The following TANC2 variants were observed in gnomAD, a reference collection of about 807,000 sequenced individuals.
TANC2 encodes the protein tetratricopeptide repeat, ankyrin repeat and coiled-coil containing 2.
TANC2 carries 26 observed loss-of-function variants against 210.5 expected under a neutral mutation model. The ratio of observed to expected loss-of-function variants is 0.12; its 90% CI spans 0.09 to 0.17. The LOEUF is 0.17. Among genes scored for constraint, TANC2 ranks in the 10% least tolerant of loss-of-function variants. The pLI, the probability that TANC2 is intolerant of heterozygous loss-of-function variation, is 1.00. For missense variants in TANC2, 2,129 were observed against 2,608.9 expected, an observed-to-expected ratio of 0.82 and a Z score of 4.01; for synonymous variants, 931 against 967.1, an observed-to-expected ratio of 0.96 and a Z score of 0.69.
At chr17:63,115,102 G>T (rs2038202691) in intron 4 of TANC2, among the ~76,000 whole-genome samples, 1 of 152,116 alleles carries the variant, frequency 6.6e-6, no homozygotes, top group Admixed American at 6.5e-5. Flanking sequence ...TTTTACCTAA[G>T]ATATTGAATA....
intron 12 of TANC2, among the ~76,000 whole-genome samples, chr17:63,345,129 A>C (rs2046358392): frequency 6.6e-6 from 1 of 152,242 alleles, no homozygotes; most frequent in African/African-American, 2.4e-5. Flanking sequence ...GCAACAAATA[A>C]GTAGAATAAA....
chr17:63,063,566 GTGTGTGTGT>G lies in TANC2; in HGVS notation c.68-10376_68-10368del, dbSNP rs1164441975. ...TGTGTGTGTGTGTGTGTGTGTGTGT[GTGTGTGTGT>G]AGATATATCTCTTACAGTATCACAC... On this transcript the variant is annotated intron_variant, in intron 2 of 27. Transcript: ENST00000689528. Among the ~76,000 whole-genome samples the G allele has an allele frequency of 5.2e-3, 607 of 117,294 alleles. 15 individuals carry two copies. Among genetic ancestry groups the G allele is most frequent in the African/African-American group, 0.022 (517 of 23,650 alleles). The allele number at this position is 117,294 out of a possible 152,430, so 76.9% of individuals were successfully genotyped here. A position where few individuals can be genotyped will look rare whatever the true frequency, so the allele number is the denominator to read the frequency against.
intron 7 of TANC2, among the ~76,000 whole-genome samples, chr17:63,206,680 A>G (rs1010608479): frequency 6.6e-6 from 1 of 152,146 alleles, no homozygotes; most frequent in African/African-American, 2.4e-5. Context: ...AGTAGAATAG[A>G]GAGTACTGAG....
At chr17:63,120,353 G>C (rs1598427220) in intron 4 of TANC2, among the ~76,000 whole-genome samples, 1 of 151,888 alleles carries the variant, frequency 6.6e-6, no homozygotes, top group South Asian at 2.1e-4. Context: ...TGTATGTTAG[G>C]TTTTCTTAAA....
At chr17:63,298,119 T>C (rs1262655543) in intron 9 of TANC2, among the ~76,000 whole-genome samples, 1 of 152,198 alleles carries the variant, frequency 6.6e-6, no homozygotes, top group Non-Finnish European at 1.5e-5. Flanking sequence ...TGTAAAATAG[T>C]ACAGCCACTG....
At chr17:63,373,980 C>T (rs1322431542) in intron 14 of TANC2, among the ~76,000 whole-genome samples, 1 of 135,886 alleles carries the variant, frequency 7.4e-6, no homozygotes, top group East Asian at 2.1e-4. Flanking sequence ...GACTCTGTCT[C>T]AAAAAATAAT....
intron 12 of TANC2, among the ~76,000 whole-genome samples, chr17:63,348,503 C>G (rs2046488651): frequency 6.6e-6 from 1 of 152,092 alleles, no homozygotes; most frequent in Non-Finnish European, 1.5e-5. Flanking sequence ...TTAGTTAGTC[C>G]ATGACAAAAT....
chr17:63,090,793 A>G (rs2037156887), intron 3 of TANC2, among the ~76,000 whole-genome samples: 1 of 152,250 alleles, frequency 6.6e-6, no homozygotes, highest in African/African-American at 2.4e-5. Flanking sequence ...ACTGTCTTCC[A>G]CAGTGGTTGA....
chr17:63,029,317 T>C (rs1265680465), intron 2 of TANC2, among the ~76,000 whole-genome samples: 2 of 152,142 alleles, frequency 1.3e-5, no homozygotes, highest in African/African-American at 4.8e-5. Context: ...TAAAGCTGCT[T>C]AGCCAGTAGT....
chr17:63,009,541 G>T (rs1411550195), exon 2 of TANC2: 3 of 1,608,402 alleles, frequency 1.9e-6, no homozygotes, highest in Non-Finnish European at 1.7e-6. Context: ...TTACAGTTTT[G>T]CAGTAGAAGA....
intron 17 of TANC2, 111 bp downstream of exon 17, chr17:63,389,655 A>G (rs2047899701): frequency 2.8e-6 from 3 of 1,065,700 alleles, no homozygotes; most frequent in Non-Finnish European, 4.2e-6. Context: ...ATATCAAACC[A>G]TGATGGAGAG....
intron 6 of TANC2, 110 bp downstream of exon 6, chr17:63,194,249 T>C: frequency 1.8e-6 from 2 of 1,123,050 alleles, no homozygotes; most frequent in South Asian, 4.2e-5. Context: ...AACTTAACTT[T>C]CCATAATCAC....
chr17:63,248,380 G>A (rs749173052), intron 8 of TANC2, among the ~76,000 whole-genome samples: 41 of 152,024 alleles, frequency 2.7e-4, no homozygotes, highest in Non-Finnish European at 5.6e-4. Flanking sequence ...GGGCAGGATG[G>A]GGATGGGAAT....
At chr17:63,195,216 C>T (rs1025674745) in intron 6 of TANC2, among the ~76,000 whole-genome samples, 1 of 152,148 alleles carries the variant, frequency 6.6e-6, no homozygotes, top group South Asian at 2.1e-4. Flanking sequence ...CTAGCCCTGC[C>T]TTTTCCCCTT....
chr17:63,006,976 A>G (rs1450795030), intron 1 of TANC2, among the ~76,000 whole-genome samples: 4 of 152,160 alleles, frequency 2.6e-5, no homozygotes, highest in African/African-American at 9.7e-5. Flanking sequence ...CTGTATTCTC[A>G]GCACTTTGGG....
At chr17:63,318,090 A>G (rs531378278) in intron 10 of TANC2, among the ~76,000 whole-genome samples, 1 of 152,336 alleles carries the variant, frequency 6.6e-6, no homozygotes, top group South Asian at 2.1e-4. Context: ...TGCACCAGTT[A>G]AATGAAAGAA....
intron 2 of TANC2, among the ~76,000 whole-genome samples, chr17:63,010,422 C>T (rs998460625): frequency 6.6e-6 from 1 of 151,322 alleles, no homozygotes; most frequent in African/African-American, 2.4e-5. Flanking sequence ...GTTTTTTCCT[C>T]CACTGCTCAC....
At chr17:63,361,320 C>T (rs983972526) in intron 14 of TANC2, among the ~76,000 whole-genome samples, 3 of 152,266 alleles carry the variant, frequency 2.0e-5, no homozygotes, top group South Asian at 4.2e-4. Context: ...GCACTCAGCT[C>T]GTGCTACTGG....
chr17:63,242,205 G>A (rs540970273), intron 8 of TANC2, among the ~76,000 whole-genome samples: 1 of 151,954 alleles, frequency 6.6e-6, no homozygotes, highest in African/African-American at 2.4e-5. Context: ...AATGCTAACT[G>A]TGAGCTTATG....
Sources: allele counts gnomAD v4.1 joint callset (sites outside exome capture counted in the v4.1 genomes callset), GRCh38; gene constraint gnomAD v4.1.1; transcripts MANE v1.5; gene names NCBI Gene and HGNC (gene_info 2026-07-23, HGNC 2026-07-21).